DZIP1: variants seen among roughly 807,000 people sequenced by gnomAD.
The protein encoded by DZIP1 is DAZ interacting zinc finger protein 1.
DZIP1 carries 97 observed loss-of-function variants against 107.6 expected under a neutral mutation model. The ratio of observed to expected loss-of-function variants is 0.90; its 90% CI spans 0.77 to 1.07. DZIP1 has a LOEUF of 1.07. DZIP1 is among the 50% of genes least tolerant of loss of function. The pLI, the probability that DZIP1 is intolerant of heterozygous loss-of-function variation, is 0.00. For synonymous variants in DZIP1, 390 were observed against 386.4 expected (o/e 1.01, Z -0.11); for missense variants, 1,035 against 1,063.6 (o/e 0.97, Z 0.37).
At chr13:95,605,777 C>G (rs533942808) in intron 14 of DZIP1, among the ~76,000 whole-genome samples, 77 of 152,318 alleles carry the variant, frequency 5.1e-4, no homozygotes, top group Non-Finnish European at 8.4e-4. Flanking sequence ...AGTCTGGCAA[C>G]CTTTTATACC....
At chr13:95,621,193 C>G (rs978713204) in intron 9 of DZIP1, among the ~76,000 whole-genome samples, 1 of 152,270 alleles carries the variant, frequency 6.6e-6, no homozygotes, top group East Asian at 1.9e-4. Flanking sequence ...AAACTGGGAG[C>G]TGCAGGACAG....
intron 10 of DZIP1, 129 bp from the exon 11 acceptor site, chr13:95,612,306 A>T: frequency 9.4e-7 from 1 of 1,058,484 alleles, no homozygotes; most frequent in Non-Finnish European, 1.3e-6. Context: ...CAAGTCGTTG[A>T]ATAAATCTTT....
chr13:95,582,164 A>G lies in DZIP1; in HGVS notation c.*70T>C. On this transcript the variant is annotated 3_prime_UTR_variant, in exon 23 of 23. Coordinates refer to ENST00000376829, the MANE Select transcript of DZIP1 (RefSeq NM_198968.4). Reference sequence around the variant, plus strand: ...TAAGGCAGAAGCACTAGAATCATGGAGGCAAATTACTGAAACACTGTGATA... The same window carrying G: ...TAAGGCAGAAGCACTAGAATCATGGGGGCAAATTACTGAAACACTGTGATA... 6.9e-7 allele frequency: 1 copy of G among 1,453,424 alleles called. No individual in the cohort carries two copies. The highest frequency in any genetic ancestry group is 9.7e-7 in the Non-Finnish European group (1 of 1,034,918). The allele number at this position is 1,453,424 out of a possible 1,614,324, so 90.0% of individuals were successfully genotyped here.
At chr13:95,634,095 C>T (rs1877522043) in intron 5 of DZIP1, among the ~76,000 whole-genome samples, 1 of 152,136 alleles carries the variant, frequency 6.6e-6, no homozygotes, top group African/African-American at 2.4e-5. Flanking sequence ...CAACAACAAC[C>T]TGCCCCTGCC....
In DZIP1 at chr13:95,579,740, A is replaced by G. The variant is rs2043988810; in HGVS notation, c.*2494T>C. On this transcript the variant is annotated 3_prime_UTR_variant, in exon 23 of 23. Coordinates refer to ENST00000376829, the MANE Select transcript of DZIP1 (RefSeq NM_198968.4). ...CAAGTTTGTTAAAAGATAAAAAATA[A>G]AAAAAATTCCATACCTTGATAATCC... is the stretch of plus-strand genomic sequence containing the variant. 6.6e-6 allele frequency: 1 copy of G among 152,220 alleles called. No individual in the cohort carries two copies. Among genetic ancestry groups the G allele is most frequent in the Non-Finnish European group, 1.5e-5 (1 of 68,032 alleles). The allele number at this position is 152,220 out of a possible 1,614,324, so 9.4% of individuals were successfully genotyped here.
rs1316004555 is a variant in DZIP1 at position 95,622,386 on chromosome 13, T to C, written c.1067A>G (p.Tyr356Cys). The C allele has an allele frequency of 6.2e-7, 1 of 1,614,206 alleles. No homozygotes were observed. The highest frequency in any genetic ancestry group is 8.5e-7 in the Non-Finnish European group (1 of 1,180,032). Residue 356 changes from tyrosine to cysteine, a missense_variant, in exon 9 of 23, where the codon TAT (tyrosine) becomes TGT (cysteine). Transcript: ENST00000376829. Reference sequence around the variant, plus strand: ...CATGACATTATGGAAATCCTGGGGATATGGAGAACGGTCTTCTTTAAACTC... The same window carrying C: ...CATGACATTATGGAAATCCTGGGGACATGGAGAACGGTCTTCTTTAAACTC... ...AHEFKEDRSP[Y>C]PQDFHNVMQL...
chr13:95,607,438 T>C (rs1178327264), intron 13 of DZIP1, among the ~76,000 whole-genome samples: 1 of 152,234 alleles, frequency 6.6e-6, no homozygotes, highest in Non-Finnish European at 1.5e-5. Context: ...TAACAAACTC[T>C]GGAAATACTG....
Position 95,644,559 on chromosome 13 carries a change from G to T in DZIP1, c.-708C>A. The T allele has an allele frequency of 6.5e-6, 1 of 152,794 alleles. No individual in the cohort carries two copies. The highest frequency in any genetic ancestry group is 1.5e-5 in the Non-Finnish European group (1 of 68,430). 9.5% of individuals were successfully genotyped at this position (152,794 alleles called of 1,614,324 possible). A position where few individuals can be genotyped will look rare whatever the true frequency, so the allele number is the denominator to read the frequency against. On this transcript the variant is annotated 5_prime_UTR_variant, in exon 1 of 23. Transcript: ENST00000376829. The stretch of plus-strand genomic sequence containing the variant: ...GCAGGATGAAACGTGTCTGGTCTGG[G>T]CAAGTTGTGGCGAGGCGGGTCGACT...
At position 95,580,061 on chromosome 13, in the gene DZIP1, C is replaced by T. The variant is rs1233822339; in HGVS notation, c.*2173G>A. The T allele has an allele frequency of 1.3e-5, 2 of 152,126 alleles. No individual in the cohort carries two copies. The highest frequency in any genetic ancestry group is 2.9e-5 in the Non-Finnish European group (2 of 68,040). The allele number at this position is 152,126 out of a possible 1,614,324, so 9.4% of individuals were successfully genotyped here. A position where few individuals can be genotyped will look rare whatever the true frequency, so the allele number is the denominator to read the frequency against. Reference sequence around the variant, plus strand: ...TACAAAAAAATGAAATGCAGCAGGGCGCGATGGCTCACGCCTATAATCCCA... The same window carrying T: ...TACAAAAAAATGAAATGCAGCAGGGTGCGATGGCTCACGCCTATAATCCCA... On this transcript the variant is annotated 3_prime_UTR_variant, in exon 23 of 23. Transcript: ENST00000376829.
chr13:95,638,150 C>A (rs529401625), intron 5 of DZIP1, among the ~76,000 whole-genome samples: 1 of 136,980 alleles, frequency 7.3e-6, no homozygotes, highest in African/African-American at 2.8e-5. Flanking sequence ...AGAGCAATGG[C>A]GTGATCCCAG....
At chr13:95,604,651 A>C (rs955765600) in intron 14 of DZIP1, among the ~76,000 whole-genome samples, 1 of 152,188 alleles carries the variant, frequency 6.6e-6, no homozygotes, top group Admixed American at 6.5e-5. Flanking sequence ...TGTACCTACC[A>C]GGGTGTCCTT....
At chr13:95,619,989 A>C in intron 9 of DZIP1, 42 bp from the exon 10 acceptor site, 1 of 1,603,670 alleles carries the variant, frequency 6.2e-7, no homozygotes, top group Non-Finnish European at 8.5e-7. Flanking sequence ...AACTGTAACA[A>C]TGAGATCTAT....
chr13:95,606,967 C>T (rs1444079928), intron 13 of DZIP1, among the ~76,000 whole-genome samples: 2 of 152,192 alleles, frequency 1.3e-5, no homozygotes, highest in Non-Finnish European at 2.9e-5. Flanking sequence ...TAGTTTACCG[C>T]TTCTTTCTTT....
At position 95,580,339 on chromosome 13, in the gene DZIP1, A is replaced by G. The variant is rs1448929843; in HGVS notation, c.*1895T>C. The G allele has an allele frequency of 6.6e-6, 1 of 150,502 alleles. No homozygotes were observed. The highest frequency in any genetic ancestry group is 1.5e-5 in the Non-Finnish European group (1 of 67,460). The allele number at this position is 150,502 out of a possible 1,614,324, so 9.3% of individuals were successfully genotyped here. A position where few individuals can be genotyped will look rare whatever the true frequency, so the allele number is the denominator to read the frequency against. ...GCAACATAGTGAGACTCTGTCTCAA[A>G]AAAAAAAAAAAAAAAAGATACAACT... On this transcript the variant is annotated 3_prime_UTR_variant, in exon 23 of 23. Coordinates refer to ENST00000376829, the MANE Select transcript of DZIP1 (RefSeq NM_198968.4).
intron 5 of DZIP1, among the ~76,000 whole-genome samples, chr13:95,636,481 T>TGCA (rs1462867760): frequency 6.8e-6 from 1 of 146,204 alleles, no homozygotes; most frequent in Non-Finnish European, 1.5e-5. Context: ...AGGTGGAGGT[T>TGCA]GCAGTGAGAC....
chr13:95,638,381 C>T (rs990912960), intron 5 of DZIP1, among the ~76,000 whole-genome samples: 5 of 152,012 alleles, frequency 3.3e-5, no homozygotes, highest in Non-Finnish European at 5.9e-5. Flanking sequence ...TGAGCCACTG[C>T]GCCCAGCCTA....
At chr13:95,601,196 C>A (rs2044609061) in intron 14 of DZIP1, among the ~76,000 whole-genome samples, 1 of 152,124 alleles carries the variant, frequency 6.6e-6, no homozygotes, top group Non-Finnish European at 1.5e-5. Flanking sequence ...GAAGGGGAGA[C>A]TCCTGAACGT....
At chr13:95,631,273 C>T (rs1409798732) in intron 6 of DZIP1, among the ~76,000 whole-genome samples, 1 of 151,954 alleles carries the variant, frequency 6.6e-6, no homozygotes, top group Non-Finnish European at 1.5e-5. Context: ...CTGGGCAACA[C>T]AGCAAAACCC....
At chr13:95,605,084 G>A (rs2044733192) in intron 14 of DZIP1, among the ~76,000 whole-genome samples, 1 of 152,110 alleles carries the variant, frequency 6.6e-6, no homozygotes, top group African/African-American at 2.4e-5. Context: ...AAAAAATAAG[G>A]TGCAATAAAC....
Sources: gnomAD v4.1 joint callset for allele counts (sites outside exome capture counted in the v4.1 genomes callset) on GRCh38, gnomAD v4.1.1 for gene constraint, MANE v1.5 for transcripts, NCBI Gene and HGNC (gene_info 2026-07-23, HGNC 2026-07-21) for gene names.